SLAIN2: variants seen among roughly 807,000 people sequenced by gnomAD.
SLAIN2 encodes the protein SLAIN motif-containing protein 2.
SLAIN2 carries 31 observed loss-of-function variants against 56.6 expected under a neutral mutation model. That is an observed-to-expected ratio of 0.55 (90% CI 0.41 to 0.74). The LOEUF is 0.74. Among genes scored for constraint, SLAIN2 ranks in the 30% least tolerant of loss-of-function variants. The pLI, the probability that SLAIN2 is intolerant of heterozygous loss-of-function variation, is 0.00. For missense variants in SLAIN2, 777 were observed against 754.2 expected, an observed-to-expected ratio of 1.03 and a Z score of -0.35; for synonymous variants, 317 against 284.9, an observed-to-expected ratio of 1.11 and a Z score of -1.13.
At chr4:48,360,526 AG>A (rs1715296492) in intron 1 of SLAIN2, among the ~76,000 whole-genome samples, 1 of 152,090 alleles carries the variant, frequency 6.6e-6, no homozygotes, top group African/African-American at 2.4e-5. Context: ...TGGGAGACAG[AG>A]GTTGCTGTGA....
chr4:48,383,827 A>G (rs779163125), intron 6 of SLAIN2, 43 bp downstream of exon 6: 1 of 1,561,058 alleles, frequency 6.4e-7, no homozygotes, highest in South Asian at 1.2e-5. Flanking sequence ...TTATTTAAAG[A>G]GAAGTGAAAA....
chr4:48,395,902 C>A (rs1454047035), intron 6 of SLAIN2, among the ~76,000 whole-genome samples: 1 of 135,842 alleles, frequency 7.4e-6, no homozygotes, highest in African/African-American at 2.8e-5. Context: ...CCTGAAAACA[C>A]TGTGGTATCT....
intron 6 of SLAIN2, among the ~76,000 whole-genome samples, chr4:48,401,573 G>A (rs1560463134): frequency 1.3e-5 from 2 of 152,102 alleles, no homozygotes; most frequent in Non-Finnish European, 2.9e-5. Flanking sequence ...TTTAAAGTCT[G>A]TTTTGTCAGA....
chr4:48,406,906 CT>C (rs1319039455), intron 6 of SLAIN2, among the ~76,000 whole-genome samples: 2 of 152,064 alleles, frequency 1.3e-5, no homozygotes, highest in African/African-American at 4.8e-5. Context: ...ATCATTTGGT[CT>C]TTTTATCTGG....
At chr4:48,406,143 C>T (rs1245064261) in intron 6 of SLAIN2, among the ~76,000 whole-genome samples, 4 of 152,132 alleles carry the variant, frequency 2.6e-5, no homozygotes, top group Admixed American at 2.0e-4. Flanking sequence ...GACCTGGAGT[C>T]AGGCATTTCT....
chr4:48,383,168 CAAAAAA>C (rs34436951), intron 5 of SLAIN2, among the ~76,000 whole-genome samples: 2 of 95,548 alleles, frequency 2.1e-5, no homozygotes, highest in Non-Finnish European at 4.2e-5. Flanking sequence ...ATCCTGTTTT[CAAAAAA>C]AAAAAAAAAA....
At chr4:48,409,757 G>A (rs949908930) in intron 6 of SLAIN2, among the ~76,000 whole-genome samples, 6 of 152,068 alleles carry the variant, frequency 3.9e-5, no homozygotes, top group African/African-American at 1.2e-4. Context: ...GGTGGTGGGC[G>A]CCTGTAACCT....
At chr4:48,404,446 CCT>C (rs1223072735) in intron 6 of SLAIN2, among the ~76,000 whole-genome samples, 1 of 152,106 alleles carries the variant, frequency 6.6e-6, no homozygotes, top group Non-Finnish European at 1.5e-5. Context: ...TATTCTAGCC[CCT>C]CTTTGCTTTC....
In SLAIN2 at chr4:48,424,723, A is replaced by G. The variant is rs981107933; in HGVS notation, c.*2646A>G. 6 of 152,050 alleles carry G rather than the reference A, an allele frequency of 3.9e-5. No homozygotes were observed. Among genetic ancestry groups the G allele is most frequent in the Non-Finnish European group, 8.8e-5 (6 of 67,962 alleles). 9.4% of individuals were successfully genotyped at this position (152,050 alleles called of 1,614,324 possible). On this transcript the variant is annotated 3_prime_UTR_variant, in exon 8 of 8. Transcript: ENST00000264313. ...TTTGTAAAACTGGGGACCATTCATAATTGTCAGATACTTTTTAAAATTATC... is the reference window on the plus strand; with the variant it reads ...TTTGTAAAACTGGGGACCATTCATAGTTGTCAGATACTTTTTAAAATTATC...
At chr4:48,359,637 GAA>G (rs1186170321) in intron 1 of SLAIN2, among the ~76,000 whole-genome samples, 2 of 152,130 alleles carry the variant, frequency 1.3e-5, no homozygotes, top group Non-Finnish European at 2.9e-5. Flanking sequence ...TTTTGGTAGA[GAA>G]AGGGAGGTTA....
At chr4:48,374,993 G>T (rs946920297) in intron 2 of SLAIN2, among the ~76,000 whole-genome samples, 1 of 152,178 alleles carries the variant, frequency 6.6e-6, no homozygotes, top group African/African-American at 2.4e-5. Flanking sequence ...AATGGGTGGT[G>T]TATATAGGTC....
chr4:48,376,962 C>T (rs1246447833), intron 2 of SLAIN2, among the ~76,000 whole-genome samples: 18 of 133,946 alleles, frequency 1.3e-4, no homozygotes, highest in Middle Eastern at 4.2e-3. Context: ...TGACCTTAAA[C>T]TGGCTTAATA....
chr4:48,371,560 G>T (rs1273940623), intron 2 of SLAIN2, among the ~76,000 whole-genome samples: 2 of 151,986 alleles, frequency 1.3e-5, no homozygotes, highest in Non-Finnish European at 2.9e-5. Context: ...ACCAATTTCT[G>T]GCATTAATGT....
chr4:48,379,517 G>A (rs1715917083), intron 3 of SLAIN2, among the ~76,000 whole-genome samples, 173 bp from the exon 4 acceptor site: 1 of 152,006 alleles, frequency 6.6e-6, no homozygotes. Flanking sequence ...AGTCTCAGTA[G>A]CCCTCATTTT....
At chr4:48,409,933 A>G (rs556360911) in intron 6 of SLAIN2, among the ~76,000 whole-genome samples, 1 of 152,334 alleles carries the variant, frequency 6.6e-6, no homozygotes, top group Non-Finnish European at 1.5e-5. Flanking sequence ...AAGTGTTTAC[A>G]TGGACAGACA....
In SLAIN2 at chr4:48,425,424, C is replaced by T. The variant is rs185655709; in HGVS notation, c.*3347C>T. The stretch of plus-strand genomic sequence containing the variant: ...AATTAATGCATTTTCATACCAAATG[C>T]GAATATTTAGGTGATCACGTGCATC... On this transcript the variant is annotated 3_prime_UTR_variant, in exon 8 of 8. Coordinates refer to ENST00000264313, the MANE Select transcript of SLAIN2 (RefSeq NM_020846.2). The T allele has an allele frequency of 3.9e-5, 6 of 151,962 alleles. No homozygotes were observed. The highest frequency in any genetic ancestry group is 2.1e-4 in the South Asian group (1 of 4,806). The allele number at this position is 151,962 out of a possible 1,614,324, so 9.4% of individuals were successfully genotyped here. A position where few individuals can be genotyped will look rare whatever the true frequency, so the allele number is the denominator to read the frequency against.
At chr4:48,370,699 A>G (rs1173811468) in intron 2 of SLAIN2, among the ~76,000 whole-genome samples, 1 of 152,256 alleles carries the variant, frequency 6.6e-6, no homozygotes, top group East Asian at 1.9e-4. Context: ...GTGGGCAGAA[A>G]TGTAGGAAAA....
intron 1 of SLAIN2, among the ~76,000 whole-genome samples, chr4:48,345,874 T>C (rs1267562590): frequency 6.6e-6 from 1 of 152,248 alleles, no homozygotes; most frequent in Non-Finnish European, 1.5e-5. Flanking sequence ...AGTGGGCATG[T>C]CAGCTAGACT....
At chr4:48,382,210 T>C (rs1453755499) in intron 4 of SLAIN2, among the ~76,000 whole-genome samples, 1 of 152,194 alleles carries the variant, frequency 6.6e-6, no homozygotes, top group Non-Finnish European at 1.5e-5. Context: ...GGATGGTAAT[T>C]GTTTCCCCTC....
Sources: allele counts gnomAD v4.1 joint callset (sites outside exome capture counted in the v4.1 genomes callset), GRCh38; gene constraint gnomAD v4.1.1; transcripts MANE v1.5; gene names NCBI Gene and HGNC (gene_info 2026-07-23, HGNC 2026-07-21).